Variants in PITPNM2 observed in about 807,000 individuals in gnomAD.
The protein encoded by PITPNM2 is membrane-associated phosphatidylinositol transfer protein 2.
PITPNM2 carries 35 observed loss-of-function variants against 132.2 expected under a neutral mutation model. The ratio of observed to expected loss-of-function variants is 0.26; its 90% CI spans 0.20 to 0.35. The LOEUF (loss-of-function observed/expected upper bound fraction) is 0.35. Among genes scored for constraint, PITPNM2 ranks in the 10% least tolerant of loss-of-function variants. PITPNM2 has a pLI of 1.00. For synonymous variants in PITPNM2, 738 were observed against 799.2 expected, an observed-to-expected ratio of 0.92 and a Z score of 1.29; for missense variants, 1,332 against 1,912.0, an observed-to-expected ratio of 0.70 and a Z score of 5.66.
chr12:123,137,770 G>A lies in PITPNM2; in HGVS notation c.-200+12983C>T, dbSNP rs187384237. 1.2e-3 allele frequency among the ~76,000 whole-genome samples: 182 copies of A among 152,050 alleles called. 1 individual carries two copies. The highest frequency in any genetic ancestry group is 3.9e-3 in the Admixed American group (59 of 15,250). The stretch of plus-strand genomic sequence containing the variant: ...TAGCGGGACGTGGTGGTGCGTGTCT[G>A]TAGTGCCAGCTACTCAGGAGGCTGA... On this transcript the variant is annotated intron_variant, in intron 1 of 25. Transcript: ENST00000320201.
At chr12:123,041,577 C>T (rs1160207741) in intron 2 of PITPNM2, among the ~76,000 whole-genome samples, 2 of 152,186 alleles carry the variant, frequency 1.3e-5, no homozygotes, top group Admixed American at 1.3e-4. Flanking sequence ...GCTGAACCCT[C>T]CTCACTCAGA....
At chr12:123,011,951 C>G (rs1013507363) in intron 5 of PITPNM2, among the ~76,000 whole-genome samples, 2 of 152,178 alleles carry the variant, frequency 1.3e-5, no homozygotes, top group Admixed American at 1.3e-4. Context: ...TGGAGCAGCT[C>G]CTGGGCCATG....
rs146016731 is a variant in PITPNM2 at position 123,025,136 on chromosome 12, C to T, written c.78+9377G>A. ...GTTTGAGGCAGTGGCGACTTTAAGC[C>T]GAGCATCTGTTTCCATGGTGACATG... is the stretch of plus-strand genomic sequence containing the variant. On this transcript the variant is annotated intron_variant, in intron 3 of 25. Transcript: ENST00000320201. 3.3e-3 allele frequency among the ~76,000 whole-genome samples: 501 copies of T among 152,220 alleles called. 2 individuals are homozygous for T. Among genetic ancestry groups the T allele is most frequent in the Non-Finnish European group, 5.0e-3 (342 of 67,998 alleles).
In PITPNM2 at chr12:123,108,965, G is replaced by T. The variant is rs181186676; in HGVS notation, c.-96+1420C>A. On this transcript the variant is annotated intron_variant, in intron 2 of 25. Transcript: ENST00000320201. This position sits in a 1 kb window ranked among gnomAD's most constrained non-coding sequence, Gnocchi z 4.4. ...CCATGTGCTTCCAGGTCTAGACTCGGGGTCCAATCCCAATCCCACCACTGA... is the reference window on the plus strand; with the variant it reads ...CCATGTGCTTCCAGGTCTAGACTCGTGGTCCAATCCCAATCCCACCACTGA... Among the ~76,000 whole-genome samples the T allele has an allele frequency of 2.0e-5, 3 of 152,264 alleles. No individual in the cohort carries two copies. The highest frequency in any genetic ancestry group is 2.9e-5 in the Non-Finnish European group (2 of 68,024).
chr12:123,028,588 C>A (rs1036738096), intron 3 of PITPNM2, among the ~76,000 whole-genome samples: 1 of 152,160 alleles, frequency 6.6e-6, no homozygotes, highest in African/African-American at 2.4e-5. Flanking sequence ...GCCCTTGGCA[C>A]AGGAAGTGCA....
At chr12:123,147,321 A>G (rs1389237669) in intron 1 of PITPNM2, among the ~76,000 whole-genome samples, 2 of 151,892 alleles carry the variant, frequency 1.3e-5, no homozygotes, top group African/African-American at 4.8e-5. Flanking sequence ...TTACCTTTTT[A>G]TTTTTATTTA....
At chr12:123,148,402 C>T (rs980750388) in intron 1 of PITPNM2, among the ~76,000 whole-genome samples, 1 of 152,184 alleles carries the variant, frequency 6.6e-6, no homozygotes, top group Non-Finnish European at 1.5e-5. Flanking sequence ...AAAGAGCACA[C>T]GGCCCTGGCA....
At chr12:123,107,601 C>A (rs1164668588) in intron 2 of PITPNM2, among the ~76,000 whole-genome samples, 1 of 152,204 alleles carries the variant, frequency 6.6e-6, no homozygotes, top group African/African-American at 2.4e-5. Flanking sequence ...AGATCTCGTT[C>A]TTAGCGAACC....
rs910427280 is a variant in PITPNM2, at chr12:123,083,185, A to C, written c.-96+27200T>G. The C allele has an allele frequency of 6.6e-6, 1 of 152,132 alleles. No homozygotes were observed. The highest frequency in any genetic ancestry group is 2.4e-5 in the African/African-American group (1 of 41,428). The allele number at this position is 152,132 out of a possible 1,614,324, so 9.4% of individuals were successfully genotyped here. ...CCCTTGGGCAACATAGTGAGACCCCATCTCTAAAAAAAAACAAAAAAGTTT... is the reference window on the plus strand; with the variant it reads ...CCCTTGGGCAACATAGTGAGACCCCCTCTCTAAAAAAAAACAAAAAAGTTT... On this transcript the variant is annotated intron_variant, in intron 2 of 25. Transcript: ENST00000320201. This position sits in a 1 kb window ranked among gnomAD's most constrained non-coding sequence, Gnocchi z 4.5.
In PITPNM2 at chr12:123,077,425, G is replaced by A. The variant is rs762775372; in HGVS notation, c.-96+32960C>T. 1.3e-5 allele frequency among the ~76,000 whole-genome samples: 2 copies of A among 152,168 alleles called. No individual in the cohort carries two copies. Among genetic ancestry groups the A allele is most frequent in the Non-Finnish European group, 2.9e-5 (2 of 68,038 alleles). The stretch of plus-strand genomic sequence containing the variant: ...ACTCCAGAGCCCTGCCCCATCTAGG[G>A]CGCACGTGCATGCCTCTGAATTTCC... On this transcript the variant is annotated intron_variant, in intron 2 of 25. Coordinates refer to ENST00000320201, the MANE Select transcript of PITPNM2 (RefSeq NM_020845.3). The surrounding 1 kb of genome is among the most constrained non-coding windows in gnomAD (Gnocchi z 4.8).
intron 6 of PITPNM2, among the ~76,000 whole-genome samples, chr12:123,006,940 A>G (rs1221754939): frequency 6.6e-6 from 1 of 152,104 alleles, no homozygotes; most frequent in Non-Finnish European, 1.5e-5. Context: ...ATCTAAAATT[A>G]TGCCTCAATA....
rs759993624 is a variant in PITPNM2, at chr12:122,992,584, C to T, written c.2319G>A (p.Leu773=). The part of the protein sequence containing the change: ...DPSASRLEPL[L]ERRFHALPPF... ...GCGGCAGGGCGTGAAAGCGCCGTTC[C>T]AGCAGCGGCTCCAGGCGTGAAGCTG... The change falls in exon 16 of 26, where the codon CTG becomes CTA. Residue 773 remains leucine (L), a synonymous_variant. Transcript: ENST00000320201. This position sits in a 1 kb window ranked among gnomAD's most constrained non-coding sequence, Gnocchi z 6.5. 23 of 1,611,386 alleles carry T rather than the reference C, an allele frequency of 1.4e-5. No homozygotes were observed. The highest frequency in any genetic ancestry group is 1.7e-5 in the Non-Finnish European group (20 of 1,179,240).
intron 2 of PITPNM2, among the ~76,000 whole-genome samples, chr12:123,040,672 A>G (rs2040433666): frequency 6.6e-6 from 1 of 152,198 alleles, no homozygotes; most frequent in Admixed American, 6.5e-5. Flanking sequence ...TTAAAAACTC[A>G]TGTAGAACAT....
At chr12:123,100,090 C>G (rs2042522544) in intron 2 of PITPNM2, among the ~76,000 whole-genome samples, 1 of 152,238 alleles carries the variant, frequency 6.6e-6, no homozygotes, top group South Asian at 2.1e-4. Context: ...GAAGAAGAAA[C>G]TGAGGTGCAG....
intron 10 of PITPNM2, among the ~76,000 whole-genome samples, chr12:122,999,846 A>G (rs1346007090): frequency 6.6e-6 from 1 of 152,142 alleles, no homozygotes; most frequent in African/African-American, 2.4e-5. Context: ...TGGGTTCTGA[A>G]CACACACCCC....
chr12:123,064,803 C>G lies in PITPNM2; in HGVS notation c.-95-30118G>C, dbSNP rs1360736763. On this transcript the variant is annotated intron_variant, in intron 2 of 25. Coordinates refer to ENST00000320201, the MANE Select transcript of PITPNM2 (RefSeq NM_020845.3). This position sits in a 1 kb window ranked among gnomAD's most constrained non-coding sequence, Gnocchi z 4.0. ...ACAATGAATCAGATGCAGCAGGACA[C>G]AGGGAGTGACTAGCTCTGGGGCCAG... Among the ~76,000 whole-genome samples the G allele has an allele frequency of 6.6e-6, 1 of 152,234 alleles. No homozygotes were observed. Among genetic ancestry groups the G allele is most frequent in the Admixed American group, 6.5e-5 (1 of 15,290 alleles).
In PITPNM2 at chr12:123,058,102, C is replaced by T. The variant is rs984525804; in HGVS notation, c.-95-23417G>A. Among the ~76,000 whole-genome samples, 2 of 152,230 alleles carry T rather than the reference C, an allele frequency of 1.3e-5. No homozygotes were observed. The highest frequency in any genetic ancestry group is 4.8e-5 in the African/African-American group (2 of 41,440). On this transcript the variant is annotated intron_variant, in intron 2 of 25. Transcript: ENST00000320201. This position sits in a 1 kb window ranked among gnomAD's most constrained non-coding sequence, Gnocchi z 4.0. ...ACTCTTCAAAGTACTTACGAACCCA[C>T]GTTCTTCACTTCTTCTTTTTGGGCA...
intron 3 of PITPNM2, among the ~76,000 whole-genome samples, chr12:123,017,491 C>T (rs2039474792): frequency 6.6e-6 from 1 of 152,168 alleles, no homozygotes; most frequent in African/African-American, 2.4e-5. Context: ...TGAACAGATA[C>T]TTGTACACCA....
At position 123,040,369 on chromosome 12, in the gene PITPNM2, T is replaced by C. The variant is rs534225419; in HGVS notation, c.-95-5684A>G. ...GATGAAATAGTACACTTAAAAACTG[T>C]TAAAATAGCAAAGTTTATGTTATAT... On this transcript the variant is annotated intron_variant, in intron 2 of 25. Coordinates refer to ENST00000320201, the MANE Select transcript of PITPNM2 (RefSeq NM_020845.3). Among the ~76,000 whole-genome samples the C allele has an allele frequency of 1.2e-4, 19 of 152,286 alleles. 1 individual carries two copies. Among genetic ancestry groups the C allele is most frequent in the African/African-American group, 4.6e-4 (19 of 41,556 alleles).
Sources: allele counts gnomAD v4.1 joint callset (sites outside exome capture counted in the v4.1 genomes callset), GRCh38; gene constraint gnomAD v4.1.1; non-coding constraint Gnocchi (gnomAD v3.1); transcripts MANE v1.5; gene names NCBI Gene and HGNC (gene_info 2026-07-23, HGNC 2026-07-21).